Variants in CLIC4 observed in about 807,000 individuals in gnomAD.
CLIC4 encodes the protein chloride intracellular channel protein 4.
CLIC4 carries 13 observed loss-of-function variants against 24.6 expected under a neutral mutation model. The ratio of observed to expected loss-of-function variants is 0.53; its 90% CI spans 0.34 to 0.84. The LOEUF (loss-of-function observed/expected upper bound fraction) is 0.84. Among genes scored for constraint, CLIC4 ranks in the 40% least tolerant of loss-of-function variants. CLIC4 has a pLI of 0.01. For missense variants in CLIC4, 227 were observed against 301.7 expected, an observed-to-expected ratio of 0.75 and a Z score of 1.83; for synonymous variants, 104 against 111.3, an observed-to-expected ratio of 0.93 and a Z score of 0.41.
intron 2 of CLIC4, among the ~76,000 whole-genome samples, chr1:24,811,848 A>G (rs1639618478): frequency 6.6e-6 from 1 of 152,198 alleles, no homozygotes; most frequent in African/African-American, 2.4e-5. Context: ...GCCATAGGAA[A>G]CACACCATAT....
chr1:24,749,676 G>A (rs955517008), intron 1 of CLIC4, among the ~76,000 whole-genome samples: 9 of 152,188 alleles, frequency 5.9e-5, no homozygotes, highest in African/African-American at 2.2e-4. Flanking sequence ...AAAAAAGGCA[G>A]CTGGGCTGTG....
At chr1:24,816,524 T>C (rs1185375821) in intron 3 of CLIC4, among the ~76,000 whole-genome samples, 1 of 152,120 alleles carries the variant, frequency 6.6e-6, no homozygotes, top group African/African-American at 2.4e-5. Flanking sequence ...ATTACAGGTG[T>C]GGTATGAGCC....
At chr1:24,752,346 C>T (rs991245319) in intron 1 of CLIC4, among the ~76,000 whole-genome samples, 4 of 152,332 alleles carry the variant, frequency 2.6e-5, no homozygotes, top group African/African-American at 9.6e-5. Flanking sequence ...TCTCACCCCT[C>T]AGTCCAGGAG....
chr1:24,779,246 G>C lies in CLIC4; in HGVS notation c.73-18496G>C, dbSNP rs374610836. 3.9e-5 allele frequency among the ~76,000 whole-genome samples: 6 copies of C among 152,306 alleles called. No homozygotes were observed. The South Asian group carries it at 1.2e-3, about 32-fold the overall frequency. On this transcript the variant is annotated intron_variant, in intron 1 of 5. Transcript: ENST00000374379. The stretch of plus-strand genomic sequence containing the variant: ...GCACGTTGGGAGGCCAAAGTGGGCA[G>C]ATCGCTTGAGCCCAGGGGTTCAAGA...
chr1:24,796,008 G>A (rs1040141628), intron 1 of CLIC4, among the ~76,000 whole-genome samples: 1 of 152,194 alleles, frequency 6.6e-6, no homozygotes, highest in Non-Finnish European at 1.5e-5. Context: ...AACAGACTTT[G>A]CCTTTGCCCT....
At chr1:24,784,232 C>T (rs1387463371) in intron 1 of CLIC4, among the ~76,000 whole-genome samples, 1 of 152,088 alleles carries the variant, frequency 6.6e-6, no homozygotes, top group Non-Finnish European at 1.5e-5. Flanking sequence ...AACCCCGTCC[C>T]TTGAGTGTTG....
At chr1:24,799,061 C>T (rs999496772) in intron 2 of CLIC4, among the ~76,000 whole-genome samples, 3 of 152,260 alleles carry the variant, frequency 2.0e-5, no homozygotes, top group African/African-American at 7.2e-5. Context: ...TCTGCCCGGC[C>T]GCCACCCCAT....
In CLIC4 at chr1:24,839,385, G is replaced by C. The variant is rs190432311; in HGVS notation, c.416-475G>C. Among the ~76,000 whole-genome samples the C allele has an allele frequency of 5.8e-3, 878 of 152,120 alleles. 11 individuals carry two copies. The highest frequency in any genetic ancestry group is 0.019 in the African/African-American group (805 of 41,504). ...TGCTATCTCGGCTCACTGCAAGCTC[G>C]GCCTCCCGGGTTCACGCCATTCTCC... is the stretch of plus-strand genomic sequence containing the variant. On this transcript the variant is annotated intron_variant, in intron 4 of 5. Coordinates refer to ENST00000374379, the MANE Select transcript of CLIC4 (RefSeq NM_013943.3).
chr1:24,745,940 G>C (rs1299816325), intron 1 of CLIC4, among the ~76,000 whole-genome samples: 1 of 150,360 alleles, frequency 6.7e-6, no homozygotes, highest in Non-Finnish European at 1.5e-5. Context: ...GCCTGCCCCG[G>C]GGCCCCAGCG....
intron 2 of CLIC4, among the ~76,000 whole-genome samples, chr1:24,807,281 T>G (rs892348985): frequency 5.3e-5 from 8 of 152,028 alleles, no homozygotes; most frequent in African/African-American, 9.7e-5. Context: ...GGGTTTGTTT[T>G]TTTTTTTTAA....
At position 24,781,693 on chromosome 1, in the gene CLIC4, A is replaced by T. The variant is rs1366677538; in HGVS notation, c.73-16049A>T. On this transcript the variant is annotated intron_variant, in intron 1 of 5. Coordinates refer to ENST00000374379, the MANE Select transcript of CLIC4 (RefSeq NM_013943.3). ...ATTTTTTTTTTTTTTTTAAAGACGG[A>T]GTCTCGCACTGTTGCACAGGCTGGA... 1.7e-4 allele frequency among the ~76,000 whole-genome samples: 26 copies of T among 149,820 alleles called. 1 individual carries two copies. Among genetic ancestry groups the T allele is most frequent in the Admixed American group, 8.6e-4 (13 of 15,056 alleles).
chr1:24,844,167 CTTA>C lies in CLIC4; in HGVS notation c.*3235_*3237del, dbSNP rs1639970177. On this transcript the variant is annotated 3_prime_UTR_variant, in exon 6 of 6. Coordinates refer to ENST00000374379, the MANE Select transcript of CLIC4 (RefSeq NM_013943.3). ...AATTTCTTGAACAGGCAAATGAAAGCTTATTATAGAATGCATGTATTTTCTTTT... is the reference window on the plus strand; with the variant it reads ...AATTTCTTGAACAGGCAAATGAAAGCTTATAGAATGCATGTATTTTCTTTT... 6.6e-6 allele frequency: 1 copy of C among 152,566 alleles called. No homozygotes were observed. The highest frequency in any genetic ancestry group is 2.1e-4 in the South Asian group (1 of 4,832). 9.5% of individuals were successfully genotyped at this position (152,566 alleles called of 1,614,324 possible).
intron 1 of CLIC4, among the ~76,000 whole-genome samples, chr1:24,751,486 G>GC (rs66958265): frequency 0.66 from 100,931 of 151,874 alleles, 33,905 homozygotes; most frequent in Admixed American, 0.72. Context: ...TGATCCACCC[G>GC]CTCGGCCTCC....
At chr1:24,797,195 A>G (rs1042896054) in intron 1 of CLIC4, among the ~76,000 whole-genome samples, 2 of 151,114 alleles carry the variant, frequency 1.3e-5, no homozygotes, top group African/African-American at 4.9e-5. Flanking sequence ...CGTGTGATCC[A>G]CCTGCCTCAG....
chr1:24,802,756 C>T (rs1395705372), intron 2 of CLIC4, among the ~76,000 whole-genome samples: 1 of 149,286 alleles, frequency 6.7e-6, no homozygotes, highest in Non-Finnish European at 1.5e-5. Flanking sequence ...GTCACCGAGG[C>T]TGGAGTGCAG....
chr1:24,788,579 G>C (rs923105188), intron 1 of CLIC4, among the ~76,000 whole-genome samples: 16 of 152,150 alleles, frequency 1.1e-4, no homozygotes, highest in African/African-American at 3.9e-4. Context: ...GATATGTGGT[G>C]TTTTGTTCCT....
At chr1:24,807,122 C>A (rs917547226) in intron 2 of CLIC4, among the ~76,000 whole-genome samples, 19 of 151,434 alleles carry the variant, frequency 1.3e-4, no homozygotes, top group African/African-American at 4.6e-4. Flanking sequence ...AGAGAGAGAC[C>A]CCCATCTCTA....
chr1:24,783,357 T>G (rs1639228315), intron 1 of CLIC4, among the ~76,000 whole-genome samples: 1 of 152,062 alleles, frequency 6.6e-6, no homozygotes, highest in African/African-American at 2.4e-5. Flanking sequence ...CACAACAGAA[T>G]CTTTTTTTTT....
At chr1:24,839,347 T>G (rs1639915861) in intron 4 of CLIC4, among the ~76,000 whole-genome samples, 1 of 152,210 alleles carries the variant, frequency 6.6e-6, no homozygotes, top group African/African-American at 2.4e-5. Context: ...TCGCCCAGGC[T>G]GGAGTGCAGT....
Sources: gnomAD v4.1 joint callset for allele counts (sites outside exome capture counted in the v4.1 genomes callset) on GRCh38, gnomAD v4.1.1 for gene constraint, MANE v1.5 for transcripts, NCBI Gene and HGNC (gene_info 2026-07-23, HGNC 2026-07-21) for gene names.